Variants in FAM156A observed in about 807,000 individuals in gnomAD.
The protein encoded by FAM156A is protein FAM156A/FAM156B.
chrX:52,974,421 A>T (rs781958915), intron 1 of FAM156A, among the ~76,000 whole-genome samples: 3 of 111,823 alleles, frequency 2.7e-5, no homozygotes, highest in Non-Finnish European at 5.6e-5. Flanking sequence ...TATGTCCCAG[A>T]CACTCAGCAC....
Position 52,994,804 on chromosome X carries a change from A to G in FAM156A, c.-434+502T>C, listed in dbSNP as rs1334436890. Reference sequence around the variant, plus strand: ...AGCCTGATCAACATAGCGAGACTCCATATCTACAAAATAAAAAATAAAAAA... The same window carrying G: ...AGCCTGATCAACATAGCGAGACTCCGTATCTACAAAATAAAAAATAAAAAA... On this transcript the variant is annotated intron_variant, in intron 1 of 4. Transcript: ENST00000610625. Among the ~76,000 whole-genome samples, 35 of 110,930 alleles carry G rather than the reference A, an allele frequency of 3.2e-4. No homozygotes were observed. The Admixed American group carries it at 3.4e-3, about 11-fold the overall frequency.
intron 1 of FAM156A, among the ~76,000 whole-genome samples, chrX:52,979,411 T>C (rs1026547554): frequency 3.6e-5 from 4 of 111,161 alleles, no homozygotes; most frequent in Non-Finnish European, 5.7e-5. Context: ...TGCACCGTCA[T>C]TTCCTTCAAC....
intron 1 of FAM156A, among the ~76,000 whole-genome samples, chrX:52,977,570 G>A (rs1370950337): frequency 3.6e-5 from 4 of 110,916 alleles, no homozygotes; most frequent in Non-Finnish European, 7.5e-5. Flanking sequence ...CTGAGTAGCT[G>A]GGAATACAGG....
At chrX:52,977,530 G>A (rs372705097) in intron 1 of FAM156A, among the ~76,000 whole-genome samples, 1 of 111,346 alleles carries the variant, frequency 9.0e-6, no homozygotes, top group East Asian at 2.8e-4. Context: ...TTGACTTCCT[G>A]GGCTCAAGTA....
At position 52,981,921 on chromosome X, in the gene FAM156A, T is replaced by C. The variant is rs782151279; in HGVS notation, c.-434+13385A>G. ...TCTCTCTGGCTTGACTCTTTCCACA[T>C]GTCAGGTTTTGTGTTTTCTTCATTG... is the stretch of plus-strand genomic sequence containing the variant. On this transcript the variant is annotated intron_variant, in intron 1 of 4. Transcript: ENST00000610625. Among the ~76,000 whole-genome samples the C allele has an allele frequency of 1.0e-4, 11 of 110,507 alleles. No individual in the cohort carries two copies. The East Asian group carries it at 3.1e-3, about 32-fold the overall frequency.
At chrX:52,981,693 T>G (rs1415241200) in intron 1 of FAM156A, among the ~76,000 whole-genome samples, 1 of 112,178 alleles carries the variant, frequency 8.9e-6, no homozygotes, top group Non-Finnish European at 1.9e-5. Context: ...GTAGATGTTC[T>G]GCATGGGATG....
intron 1 of FAM156A, among the ~76,000 whole-genome samples, chrX:52,975,350 A>C (rs1556791902): frequency 1.8e-5 from 2 of 112,059 alleles, no homozygotes; most frequent in Non-Finnish European, 3.8e-5. Context: ...CAGAATGCTC[A>C]TCAGTAGGTG....
In FAM156A at chrX:52,989,966, T is replaced by C. The variant is rs782728080; in HGVS notation, c.-434+5340A>G. On this transcript the variant is annotated intron_variant, in intron 1 of 4. Coordinates refer to the FAM156A transcript ENST00000610625. ...AGACAAAATTATATGAGAATTTTCCTTTAGCCATGGAAATGAGCTTCTGGT... is the reference window on the plus strand; with the variant it reads ...AGACAAAATTATATGAGAATTTTCCCTTAGCCATGGAAATGAGCTTCTGGT... Among the ~76,000 whole-genome samples, 3 of 111,960 alleles carry C rather than the reference T, an allele frequency of 2.7e-5. No homozygotes were observed. The South Asian group carries it at 1.1e-3, about 42-fold the overall frequency.
chrX:52,983,737 C>T (rs1237454864), intron 1 of FAM156A, among the ~76,000 whole-genome samples: 4 of 112,266 alleles, frequency 3.6e-5, no homozygotes, highest in African/African-American at 1.3e-4. Flanking sequence ...GCTCCCACCC[C>T]ACAATCTCCG....
At chrX:52,992,603 CTTTT>C (rs371397834) in intron 1 of FAM156A, among the ~76,000 whole-genome samples, 1 of 95,964 alleles carries the variant, frequency 1.0e-5, no homozygotes. Flanking sequence ...ACTTGTGAGT[CTTTT>C]TTTTTTTTTT....
chrX:52,973,230 T>TAA (rs55856732), intron 1 of FAM156A, among the ~76,000 whole-genome samples: 5 of 92,337 alleles, frequency 5.4e-5, no homozygotes, highest in African/African-American at 1.6e-4. Context: ...ATTAAAAAAT[T>TAA]AAAAAAAAAT....
chrX:52,976,901 A>T (rs1929511310), intron 1 of FAM156A, among the ~76,000 whole-genome samples: 1 of 110,042 alleles, frequency 9.1e-6, no homozygotes, highest in African/African-American at 3.3e-5. Flanking sequence ...ATCATCCCTT[A>T]TTACAGAATA....
chrX:52,979,902 T>C (rs1556793051), intron 1 of FAM156A, among the ~76,000 whole-genome samples: 2 of 112,492 alleles, frequency 1.8e-5, no homozygotes, highest in African/African-American at 6.5e-5. Flanking sequence ...ATTAAGAAGT[T>C]CTAGGATTCT....
At chrX:52,973,215 T>C (rs1310724389) in intron 1 of FAM156A, among the ~76,000 whole-genome samples, 1 of 94,013 alleles carries the variant, frequency 1.1e-5, no homozygotes, top group Non-Finnish European at 2.2e-5. Flanking sequence ...GTATAATAAA[T>C]AAAAATTAAA....
intron 1 of FAM156A, among the ~76,000 whole-genome samples, chrX:52,989,246 C>T (rs1055768095): frequency 6.3e-5 from 7 of 111,083 alleles, no homozygotes; most frequent in Non-Finnish European, 1.3e-4. Context: ...CACCCCAGAA[C>T]ACTATAGAGA....
intron 1 of FAM156A, among the ~76,000 whole-genome samples, chrX:52,987,647 CAAA>C (rs782773978): frequency 4.2e-5 from 3 of 71,674 alleles, no homozygotes; most frequent in Non-Finnish European, 2.7e-5. Flanking sequence ...GACCCTGTCT[CAAA>C]AAAAAAAAAA....
At chrX:52,986,570 T>C (rs906107122) in intron 1 of FAM156A, among the ~76,000 whole-genome samples, 37 of 110,374 alleles carry the variant, frequency 3.4e-4, no homozygotes, top group African/African-American at 1.2e-3. Flanking sequence ...ACCATATTAA[T>C]ATACCGAAAA....
chrX:52,994,444 T>C (rs1248060113), intron 1 of FAM156A, among the ~76,000 whole-genome samples: 5 of 110,918 alleles, frequency 4.5e-5, no homozygotes, highest in African/African-American at 1.6e-4. Context: ...CACATAATCT[T>C]AAGATAAAGT....
intron 1 of FAM156A, among the ~76,000 whole-genome samples, chrX:52,992,555 C>T (rs1556795852): frequency 2.7e-5 from 3 of 110,630 alleles, no homozygotes; most frequent in African/African-American, 9.9e-5. Flanking sequence ...GAGTCAGGGA[C>T]ACTCACGCGA....
Sources: allele counts gnomAD v4.1 joint callset (sites outside exome capture counted in the v4.1 genomes callset), GRCh38; gene constraint gnomAD v4.1.1; transcripts MANE v1.5; gene names NCBI Gene and HGNC (gene_info 2026-07-23, HGNC 2026-07-21).